The following FRMD4A variants were observed in gnomAD, a reference collection of about 807,000 sequenced individuals.
FRMD4A encodes the protein FERM domain containing 4A.
A neutral mutation model predicts 129.1 loss-of-function variants in FRMD4A; 29 were observed. The ratio of observed to expected loss-of-function variants is 0.22; its 90% confidence interval spans 0.17 to 0.31. The LOEUF (loss-of-function observed/expected upper bound fraction) is 0.31, where lower values mean the gene tolerates loss of function less well. Ranked by LOEUF, FRMD4A falls within the 10% of genes least tolerant of loss-of-function variation. The pLI is 1.00. For synonymous variants in FRMD4A, 634 were observed against 571.6 expected, an observed-to-expected ratio of 1.11 and a Z score of -1.56; for missense variants, 1,272 against 1,375.8, an observed-to-expected ratio of 0.92 and a Z score of 1.19.
intron 2 of FRMD4A, among the ~76,000 whole-genome samples, chr10:13,917,005 T>A (rs1332774988): frequency 6.6e-6 from 1 of 152,220 alleles, no homozygotes; most frequent in East Asian, 1.9e-4. Flanking sequence ...AAAAGAATTG[T>A]CTCTGTGTGC....
intron 2 of FRMD4A, among the ~76,000 whole-genome samples, chr10:14,281,255 G>A (rs1369047592): frequency 6.6e-6 from 1 of 152,058 alleles, no homozygotes; most frequent in Non-Finnish European, 1.5e-5. Context: ...GCCTCCCAAA[G>A]TGCTGGGATT....
In FRMD4A at chr10:14,324,487, T is replaced by G. The variant is rs531478113; in HGVS notation, c.45+5571A>C. 3.9e-5 allele frequency among the ~76,000 whole-genome samples: 6 copies of G among 152,328 alleles called. No homozygotes were observed. The East Asian group carries it at 1.2e-3, about 29-fold the overall frequency. On this transcript the variant is annotated intron_variant, in intron 2 of 24. Coordinates refer to ENST00000357447, the MANE Select transcript of FRMD4A (RefSeq NM_018027.5). ...ACCCAAATATCTAGGACCTCTCCCCTGGGCCCCATGCCTGGATGGCCCCAT... is the reference window on the plus strand; with the variant it reads ...ACCCAAATATCTAGGACCTCTCCCCGGGGCCCCATGCCTGGATGGCCCCAT...
intron 2 of FRMD4A, among the ~76,000 whole-genome samples, chr10:13,967,308 G>T (rs975910718): frequency 2.0e-5 from 3 of 152,108 alleles, no homozygotes; most frequent in African/African-American, 7.2e-5. Flanking sequence ...CTGCACTCCA[G>T]CCTGGGCGAC....
intron 12 of FRMD4A, among the ~76,000 whole-genome samples, chr10:13,731,099 A>T (rs947355274): frequency 2.0e-5 from 3 of 151,992 alleles, no homozygotes; most frequent in African/African-American, 7.2e-5. Context: ...GCCAAGACAG[A>T]CATGTAAGAT....
chr10:13,723,864 G>A (rs934801608), intron 12 of FRMD4A, among the ~76,000 whole-genome samples: 4 of 152,226 alleles, frequency 2.6e-5, no homozygotes, highest in African/African-American at 7.2e-5. Flanking sequence ...GAACTGAAGC[G>A]GGGATGGAGC....
chr10:13,943,528 G>C (rs1285940920), intron 2 of FRMD4A, among the ~76,000 whole-genome samples: 1 of 150,922 alleles, frequency 6.6e-6, no homozygotes, highest in African/African-American at 2.4e-5. Context: ...CGTGCCTGTA[G>C]TCCCAGCTAC....
At chr10:14,321,368 G>GTA (rs1226539873) in intron 2 of FRMD4A, among the ~76,000 whole-genome samples, 1 of 146,014 alleles carries the variant, frequency 6.8e-6, no homozygotes, top group Non-Finnish European at 1.5e-5. Flanking sequence ...ATTCATATAT[G>GTA]TATATATGAA....
Position 14,091,959 on chromosome 10 carries a change from T to C in FRMD4A, c.46-233047A>G, listed in dbSNP as rs76684072. On this transcript the variant is annotated intron_variant, in intron 2 of 24. Coordinates refer to ENST00000357447, the MANE Select transcript of FRMD4A (RefSeq NM_018027.5). Reference sequence around the variant, plus strand: ...GCACAGCCATTCTGGAAAATACAACTGTCCACTACATATAGAAACTTGGCC... The same window carrying C: ...GCACAGCCATTCTGGAAAATACAACCGTCCACTACATATAGAAACTTGGCC... 0.013 allele frequency among the ~76,000 whole-genome samples: 1,949 copies of C among 152,346 alleles called. 100 individuals are homozygous for C. The East Asian group carries it at 0.17, about 13-fold the overall frequency.
At chr10:13,866,640 C>T (rs533603796) in intron 2 of FRMD4A, among the ~76,000 whole-genome samples, 1 of 152,254 alleles carries the variant, frequency 6.6e-6, no homozygotes, top group Admixed American at 6.5e-5. Context: ...ACGGGAAATA[C>T]ACACATGGAA....
At chr10:14,114,761 G>A (rs2131801195) in intron 2 of FRMD4A, among the ~76,000 whole-genome samples, 1 of 152,314 alleles carries the variant, frequency 6.6e-6, no homozygotes, top group East Asian at 1.9e-4. Context: ...AAATCTGGGT[G>A]TCTAGGCTTA....
Position 14,127,620 on chromosome 10 carries a change from C to A in FRMD4A, c.45+202438G>T, listed in dbSNP as rs538697435. Among the ~76,000 whole-genome samples, 58 of 152,278 alleles carry A rather than the reference C, an allele frequency of 3.8e-4. No individual in the cohort carries two copies. The East Asian group carries it at 0.01, about 26-fold the overall frequency. On this transcript the variant is annotated intron_variant, in intron 2 of 24. Transcript: ENST00000357447. ...GAATAATGATAGTGTCTGCCTGTGC[C>A]CGTAAGACCCTTCACTGTGGGAATG...
At position 14,210,922 on chromosome 10, in the gene FRMD4A, T is replaced by A. The variant is rs189820910; in HGVS notation, c.45+119136A>T. ...TTTTGTATTTTTAGTAGAGATGGTG[T>A]TTCACCGTCTTGACCAGGCTGGTCT... On this transcript the variant is annotated intron_variant, in intron 2 of 24. Transcript: ENST00000357447. 2.0e-5 allele frequency among the ~76,000 whole-genome samples: 3 copies of A among 152,286 alleles called. No individual in the cohort carries two copies. In the East Asian group the frequency reaches 5.8e-4, roughly 29 times the overall value.
At chr10:13,817,062 C>T (rs1305092159) in intron 3 of FRMD4A, among the ~76,000 whole-genome samples, 2 of 152,178 alleles carry the variant, frequency 1.3e-5, no homozygotes, top group Non-Finnish European at 2.9e-5. Context: ...TTTATTTCTC[C>T]TGATACCTGA....
At chr10:13,812,452 T>C (rs1001397218) in intron 3 of FRMD4A, among the ~76,000 whole-genome samples, 2 of 152,340 alleles carry the variant, frequency 1.3e-5, no homozygotes, top group East Asian at 3.9e-4. Context: ...GCTGGCACCC[T>C]GATATTGAAA....
At chr10:13,933,612 T>TGTGAACAG (rs750272420) in intron 2 of FRMD4A, among the ~76,000 whole-genome samples, 70 of 152,338 alleles carry the variant, frequency 4.6e-4, no homozygotes, top group Non-Finnish European at 6.6e-4. Context: ...ATAGTGAGTG[T>TGTGAACAG]GTGAACAGGG....
At chr10:13,811,983 A>G (rs2093457206) in intron 3 of FRMD4A, among the ~76,000 whole-genome samples, 1 of 151,548 alleles carries the variant, frequency 6.6e-6, no homozygotes, top group Middle Eastern at 3.4e-3. Context: ...CCTGGGTTCA[A>G]GTGATTCTCT....
intron 2 of FRMD4A, among the ~76,000 whole-genome samples, chr10:14,191,072 C>T (rs941227537): frequency 6.6e-6 from 1 of 152,116 alleles, no homozygotes; most frequent in Non-Finnish European, 1.5e-5. Context: ...TTTAGTGTCG[C>T]AGTGAGAGGT....
At chr10:14,042,827 G>C (rs572381483) in intron 2 of FRMD4A, among the ~76,000 whole-genome samples, 1 of 149,822 alleles carries the variant, frequency 6.7e-6, no homozygotes, top group Non-Finnish European at 1.5e-5. Flanking sequence ...TTAGGTGGGC[G>C]TGGTAGTGCA....
chr10:14,020,201 T>C (rs1411373948), intron 2 of FRMD4A, among the ~76,000 whole-genome samples: 1 of 152,180 alleles, frequency 6.6e-6, no homozygotes, highest in Non-Finnish European at 1.5e-5. Context: ...CGCGAACATG[T>C]GTGCTGCTTC....
Sources: allele counts gnomAD v4.1 joint callset (sites outside exome capture counted in the v4.1 genomes callset), GRCh38; gene constraint gnomAD v4.1.1; transcripts MANE v1.5; gene names NCBI Gene and HGNC (gene_info 2026-07-23, HGNC 2026-07-21).